Variants in TACC1 observed in about 807,000 individuals in gnomAD.
The protein encoded by TACC1 is transforming acidic coiled-coil-containing protein 1.
A neutral mutation model predicts 84.4 loss-of-function variants in TACC1; 48 were observed. The observed-to-expected ratio is 0.57, with a 90% CI of 0.45 to 0.72. TACC1 has a LOEUF of 0.72. Among genes scored for constraint, TACC1 ranks in the 30% least tolerant of loss-of-function variants. TACC1 has a pLI of 0.00. For synonymous variants in TACC1, 372 were observed against 376.3 expected (o/e 0.99, Z 0.13); for missense variants, 920 against 973.0 (o/e 0.95, Z 0.72).
At chr8:38,733,115 T>A (rs1208173682) in intron 1 of TACC1, among the ~76,000 whole-genome samples, 1 of 152,182 alleles carries the variant, frequency 6.6e-6, no homozygotes, top group Non-Finnish European at 1.5e-5. Flanking sequence ...CTTCTTCACC[T>A]TTCTCTCTGC....
intron 1 of TACC1, among the ~76,000 whole-genome samples, chr8:38,734,666 T>C (rs1805616030): frequency 6.6e-6 from 1 of 152,250 alleles, no homozygotes; most frequent in Non-Finnish European, 1.5e-5. Flanking sequence ...AGTTTGACTT[T>C]CGGGTTAATC....
chr8:38,736,480 G>T (rs549345308), intron 1 of TACC1, among the ~76,000 whole-genome samples: 3 of 152,048 alleles, frequency 2.0e-5, no homozygotes, highest in Non-Finnish European at 2.9e-5. Flanking sequence ...CCCGGGCATG[G>T]TAGCACACGC....
At chr8:38,827,899 C>G (rs1828461423) in intron 5 of TACC1, 1 of 157,158 alleles carries the variant, frequency 6.4e-6, no homozygotes, top group Non-Finnish European at 1.4e-5. Context: ...GGATGCCAGG[C>G]TATTTTTAAC....
intron 6 of TACC1, among the ~76,000 whole-genome samples, chr8:38,832,290 C>T (rs575737534): frequency 2.8e-4 from 43 of 152,302 alleles, no homozygotes; most frequent in African/African-American, 9.6e-4. Context: ...TGTTAGAATA[C>T]ACTGGTGTGG....
chr8:38,834,172 G>T (rs541122717), intron 6 of TACC1, among the ~76,000 whole-genome samples: 2 of 152,336 alleles, frequency 1.3e-5, no homozygotes, highest in South Asian at 4.1e-4. Context: ...CAATCCAGGT[G>T]TTGATCAGGG....
intron 2 of TACC1, among the ~76,000 whole-genome samples, chr8:38,817,938 A>C (rs1003386168): frequency 1.4e-5 from 2 of 146,636 alleles, no homozygotes; most frequent in East Asian, 2.0e-4. Context: ...AAAAAAAAAA[A>C]AAAAAAAAAC....
At chr8:38,835,308 G>A (rs1028613957) in intron 6 of TACC1, among the ~76,000 whole-genome samples, 3 of 151,898 alleles carry the variant, frequency 2.0e-5, no homozygotes, top group Non-Finnish European at 2.9e-5. Flanking sequence ...CAGCAAAAAC[G>A]TCTTTTAGGA....
At chr8:38,751,140 G>C (rs940114419) in intron 3 of TACC1, among the ~76,000 whole-genome samples, 13 of 152,076 alleles carry the variant, frequency 8.5e-5, no homozygotes, top group Admixed American at 4.6e-4. Flanking sequence ...AGATAAGCAT[G>C]TGACTTCCCA....
At chr8:38,847,822 A>T (rs1832601339) in intron 12 of TACC1, 133 bp from the exon 13 acceptor site, 1 of 639,978 alleles carries the variant, frequency 1.6e-6, no homozygotes, top group Non-Finnish European at 2.7e-6. Flanking sequence ...AGCATCTCTG[A>T]TGTAGAAAAG....
Position 38,747,415 on chromosome 8 carries a change from G to A in TACC1, c.26+1922G>A, listed in dbSNP as rs142456940. Among the ~76,000 whole-genome samples, 314 of 152,286 alleles carry A rather than the reference G, an allele frequency of 2.1e-3. 2 individuals carry two copies. The highest frequency in any genetic ancestry group is 3.3e-3 in the Non-Finnish European group (226 of 68,020). On this transcript the variant is annotated intron_variant, in intron 3 of 14. Transcript: ENST00000518415. ...AAAACCCTGCACATGGATGTTTATA[G>A]CAACTTTATTCATAATTGCCAAAAG... is the stretch of plus-strand genomic sequence containing the variant.
intron 1 of TACC1, among the ~76,000 whole-genome samples, chr8:38,730,037 G>A (rs543223355): frequency 2.0e-5 from 3 of 152,172 alleles, no homozygotes; most frequent in African/African-American, 7.2e-5. Flanking sequence ...CTTTTATGTC[G>A]AGGTTCCCAG....
intron 1 of TACC1, 46 bp downstream of exon 1, chr8:38,787,789 A>G (rs1258426659): frequency 2.7e-6 from 4 of 1,455,982 alleles, no homozygotes; most frequent in East Asian, 2.8e-5. Context: ...GCTTGCCTCC[A>G]TCCATCTGCG....
At chr8:38,827,450 G>C in intron 5 of TACC1, 75 bp downstream of exon 5, 1 of 1,464,856 alleles carries the variant, frequency 6.8e-7, no homozygotes, top group Non-Finnish European at 9.5e-7. Context: ...AGCAGGAGGA[G>C]CCTTACAGAG....
intron 3 of TACC1, among the ~76,000 whole-genome samples, chr8:38,823,358 A>G (rs1251616225): frequency 6.6e-6 from 1 of 152,186 alleles, no homozygotes; most frequent in Non-Finnish European, 1.5e-5. Flanking sequence ...CTCTCTAGAC[A>G]GCACTTAGGG....
chr8:38,781,265 G>C (rs1815895487), intron 3 of TACC1, among the ~76,000 whole-genome samples: 1 of 152,026 alleles, frequency 6.6e-6, no homozygotes, highest in Non-Finnish European at 1.5e-5. Context: ...CAAAACATTT[G>C]GGCTATATGA....
chr8:38,757,304 G>T, intron 3 of TACC1: 1 of 1,262,166 alleles, frequency 7.9e-7, no homozygotes. Flanking sequence ...AGCACAGGAG[G>T]GTGCAGCCCC....
intron 2 of TACC1, among the ~76,000 whole-genome samples, chr8:38,790,727 A>G (rs899876996): frequency 2.0e-5 from 3 of 152,232 alleles, no homozygotes; most frequent in Non-Finnish European, 4.4e-5. Context: ...GTAAAATGAC[A>G]TCAGCAAAAA....
intron 3 of TACC1, among the ~76,000 whole-genome samples, chr8:38,754,785 G>A (rs1357378481): frequency 2.0e-5 from 3 of 152,206 alleles, no homozygotes; most frequent in Non-Finnish European, 2.9e-5. Context: ...TGTCTACCAT[G>A]TGTCAACATT....
intron 6 of TACC1, among the ~76,000 whole-genome samples, chr8:38,834,868 G>T (rs1462563456): frequency 6.6e-6 from 1 of 152,156 alleles, no homozygotes; most frequent in East Asian, 1.9e-4. Flanking sequence ...GTAACTAATT[G>T]ATTAGTTATC....
Sources: allele counts gnomAD v4.1 joint callset (sites outside exome capture counted in the v4.1 genomes callset), GRCh38; gene constraint gnomAD v4.1.1; transcripts MANE v1.5; gene names NCBI Gene and HGNC (gene_info 2026-07-23, HGNC 2026-07-21).